The following ZBTB16 variants were observed in gnomAD, a reference collection of about 807,000 sequenced individuals.
ZBTB16 encodes zinc finger and BTB domain containing 16.
ZBTB16 carries 8 observed loss-of-function variants against 56.8 expected under a neutral mutation model. That is an observed-to-expected ratio of 0.14 (90% CI 0.08 to 0.25). ZBTB16 has a LOEUF of 0.25. Ranked by LOEUF, ZBTB16 falls within the 10% of genes least tolerant of loss-of-function variation. The pLI, the probability that ZBTB16 is intolerant of heterozygous loss-of-function variation, is 1.00. For missense variants in ZBTB16, 625 were observed against 903.0 expected, an observed-to-expected ratio of 0.69 and a Z score of 3.95; for synonymous variants, 363 against 368.5, an observed-to-expected ratio of 0.98 and a Z score of 0.17.
chr11:114,240,540 G>A (rs1296828857), intron 4 of ZBTB16, among the ~76,000 whole-genome samples: 2 of 150,136 alleles, frequency 1.3e-5, no homozygotes, highest in Non-Finnish European at 2.9e-5. Context: ...GGACAGCGGT[G>A]TGGGGCCAAG....
intron 5 of ZBTB16, among the ~76,000 whole-genome samples, chr11:114,244,854 C>T (rs57579826): frequency 0.18 from 27,776 of 152,058 alleles, 3,091 homozygotes; most frequent in African/African-American, 0.31. Context: ...CCCCTTCCCC[C>T]CCACCGCCGC....
rs952845896 is a variant in ZBTB16 at position 114,141,163 on chromosome 11, C to T, written c.1269-15174C>T. 2.0e-5 allele frequency among the ~76,000 whole-genome samples: 3 copies of T among 152,184 alleles called. No homozygotes were observed. In the South Asian group the frequency reaches 6.2e-4, roughly 32 times the overall value. ...CGGCGGGGTATGCTCATTTCTAACA[C>T]CAAGTCTTGGCTCATGTGATGCCTC... On this transcript the variant is annotated intron_variant, in intron 2 of 6. Coordinates refer to ENST00000335953, the MANE Select transcript of ZBTB16 (RefSeq NM_006006.6).
At chr11:114,126,592 T>C (rs1466899402) in intron 2 of ZBTB16, among the ~76,000 whole-genome samples, 1 of 152,156 alleles carries the variant, frequency 6.6e-6, no homozygotes, top group African/African-American at 2.4e-5. Flanking sequence ...ATTGTCTTCA[T>C]CAAGAATGGG....
intron 4 of ZBTB16, among the ~76,000 whole-genome samples, chr11:114,240,434 GCAGCCAAAGCTTTACCCCCTCCCCCCAC>G (rs1201384318): frequency 6.6e-6 from 1 of 152,046 alleles, no homozygotes; most frequent in African/African-American, 2.4e-5. Context: ...ATGGCTTCCA[GCAGCCAAAGCTTTACCCCCTCCCCCCAC>G]CCACTCTGGA....
intron 4 of ZBTB16, among the ~76,000 whole-genome samples, chr11:114,224,712 G>T (rs566951585): frequency 6.6e-6 from 1 of 152,158 alleles, no homozygotes; most frequent in African/African-American, 2.4e-5. Context: ...CCCAATCCAC[G>T]ATGGAGATCG....
At chr11:114,121,657 C>T (rs1317608787) in intron 2 of ZBTB16, among the ~76,000 whole-genome samples, 1 of 152,124 alleles carries the variant, frequency 6.6e-6, no homozygotes, top group Non-Finnish European at 1.5e-5. Flanking sequence ...CAGAGTGGGT[C>T]AGTAATTTGC....
chr11:114,084,434 C>A (rs1330380390), intron 2 of ZBTB16, among the ~76,000 whole-genome samples: 1 of 152,204 alleles, frequency 6.6e-6, no homozygotes, highest in Non-Finnish European at 1.5e-5. Flanking sequence ...CTTAAAGCAA[C>A]AGAGAAATGT....
chr11:114,068,780 A>T (rs186934287), intron 2 of ZBTB16, among the ~76,000 whole-genome samples: 1 of 152,224 alleles, frequency 6.6e-6, no homozygotes, highest in Non-Finnish European at 1.5e-5. Context: ...GCAGTTCTGC[A>T]TGTAGGCTTC....
At chr11:114,088,982 A>G (rs915562950) in intron 2 of ZBTB16, among the ~76,000 whole-genome samples, 2 of 152,194 alleles carry the variant, frequency 1.3e-5, no homozygotes, top group Admixed American at 1.3e-4. Context: ...GTGTGCACCC[A>G]CAGGGTGACC....
Position 114,255,437 on chromosome 11 carries a change from C to T in ZBTB16, c.*4882C>T, listed in dbSNP as rs1417546170. 1.3e-5 allele frequency among the ~76,000 whole-genome samples: 2 copies of T among 151,638 alleles called. 1 individual carries two copies. Among genetic ancestry groups the T allele is most frequent in the Non-Finnish European group, 2.9e-5 (2 of 67,978 alleles). ...TCTTTCTCTCTTTCTCTCCTCCCCA[C>T]CTCTCACCCTTGCCCTCTCCATCTC... is the stretch of plus-strand genomic sequence containing the variant. On this transcript the variant is annotated 3_prime_UTR_variant, in exon 7 of 7. Coordinates refer to ENST00000335953, the MANE Select transcript of ZBTB16 (RefSeq NM_006006.6).
At chr11:114,207,416 C>T (rs1397840902) in intron 4 of ZBTB16, among the ~76,000 whole-genome samples, 1 of 151,982 alleles carries the variant, frequency 6.6e-6, no homozygotes, top group Non-Finnish European at 1.5e-5. Flanking sequence ...TGCTGCGTGG[C>T]CCAGAAGGTT....
At chr11:114,092,044 G>A (rs909630539) in intron 2 of ZBTB16, among the ~76,000 whole-genome samples, 3 of 152,202 alleles carry the variant, frequency 2.0e-5, no homozygotes, top group African/African-American at 7.2e-5. Flanking sequence ...CAGAGGGGCC[G>A]AGGCTGTGCT....
chr11:114,250,675 A>C lies in ZBTB16; in HGVS notation c.*120A>C. The C allele has an allele frequency of 3.7e-5, 42 of 1,145,856 alleles. No individual in the cohort carries two copies. The highest frequency in any genetic ancestry group is 4.5e-5 in the Non-Finnish European group (36 of 808,272). 71.0% of individuals were successfully genotyped at this position (1,145,856 alleles called of 1,614,324 possible). ...AAAAAAAAAAACAGAAGGAAAAGGA[A>C]ACCTGGTAGCTTTTTGGCCTTGGAT... On this transcript the variant is annotated 3_prime_UTR_variant, in exon 7 of 7. Coordinates refer to ENST00000335953, the MANE Select transcript of ZBTB16 (RefSeq NM_006006.6). The surrounding 1 kb of genome is among the most constrained non-coding windows in gnomAD (Gnocchi z 6.0).
At chr11:114,179,000 A>G (rs376505633) in intron 3 of ZBTB16, among the ~76,000 whole-genome samples, 9 of 152,122 alleles carry the variant, frequency 5.9e-5, no homozygotes, top group African/African-American at 1.9e-4. Flanking sequence ...TCTCCATCCT[A>G]TATTTATGTG....
chr11:114,066,499 A>C (rs1939123568), intron 2 of ZBTB16, among the ~76,000 whole-genome samples: 1 of 152,126 alleles, frequency 6.6e-6, no homozygotes, highest in Admixed American at 6.6e-5. Flanking sequence ...GTGTGCTATG[A>C]GAACTGGGTA....
intron 4 of ZBTB16, among the ~76,000 whole-genome samples, chr11:114,214,823 G>A (rs1944063599): frequency 6.6e-6 from 1 of 152,042 alleles, no homozygotes; most frequent in African/African-American, 2.4e-5. Flanking sequence ...AGCCTGTGGT[G>A]GTTTGTTTGT....
chr11:114,193,587 C>G (rs947987004), intron 4 of ZBTB16, among the ~76,000 whole-genome samples: 1 of 152,164 alleles, frequency 6.6e-6, no homozygotes, highest in African/African-American at 2.4e-5. Flanking sequence ...CCCTAATAAT[C>G]AATGAGAGAA....
At chr11:114,213,838 A>G (rs1191135156) in intron 4 of ZBTB16, among the ~76,000 whole-genome samples, 1 of 152,198 alleles carries the variant, frequency 6.6e-6, no homozygotes, top group Non-Finnish European at 1.5e-5. Context: ...GGAGTTAAGT[A>G]ACTTACCTGA....
chr11:114,072,693 G>C (rs1331968886), intron 2 of ZBTB16, among the ~76,000 whole-genome samples: 1 of 152,162 alleles, frequency 6.6e-6, no homozygotes, highest in African/African-American at 2.4e-5. Flanking sequence ...TGTAAGGTGG[G>C]TATCAGTTTC....
Sources: gnomAD v4.1 joint callset for allele counts (sites outside exome capture counted in the v4.1 genomes callset) on GRCh38, gnomAD v4.1.1 for gene constraint, Gnocchi (gnomAD v3.1) non-coding constraint, MANE v1.5 for transcripts, NCBI Gene and HGNC (gene_info 2026-07-23, HGNC 2026-07-21) for gene names.